Variants in ATP8B4 observed in about 807,000 individuals in gnomAD.
ATP8B4 encodes the protein probable phospholipid-transporting ATPase IM.
A neutral mutation model predicts 145.6 loss-of-function variants in ATP8B4; 133 were observed. The observed-to-expected ratio is 0.91, with a 90% CI of 0.79 to 1.05. The LOEUF is 1.05. Among genes scored for constraint, ATP8B4 ranks in the 50% least tolerant of loss-of-function variants. The pLI is 0.00. For missense variants in ATP8B4, 1,458 were observed against 1,425.2 expected (o/e 1.02, Z -0.37); for synonymous variants, 507 against 492.9 (o/e 1.03, Z -0.38).
intron 3 of ATP8B4, among the ~76,000 whole-genome samples, chr15:50,070,029 A>T (rs1011169972): frequency 6.6e-6 from 1 of 152,238 alleles, no homozygotes; most frequent in Non-Finnish European, 1.5e-5. Flanking sequence ...GGTAATAAAA[A>T]AGTAAGAAAT....
intron 23 of ATP8B4, chr15:49,896,442 A>AT (rs1342927806): frequency 1.3e-5 from 2 of 152,374 alleles, no homozygotes; most frequent in East Asian, 3.9e-4. Flanking sequence ...GAATAAAATG[A>AT]TTTTTTAAAA....
chr15:50,043,651 T>C lies in ATP8B4; in HGVS notation c.300+943A>G, dbSNP rs142656931. On this transcript the variant is annotated intron_variant, in intron 5 of 27. Coordinates refer to ENST00000284509, the MANE Select transcript of ATP8B4 (RefSeq NM_024837.4). Reference sequence around the variant, plus strand: ...AACATTTTCTTTTCTCTAGCTTACTTTATTATAAGAATACAGTGTAGGCCG... The same window carrying C: ...AACATTTTCTTTTCTCTAGCTTACTCTATTATAAGAATACAGTGTAGGCCG... Among the ~76,000 whole-genome samples the C allele has an allele frequency of 9.6e-3, 1,459 of 152,352 alleles. 21 individuals carry two copies. Among genetic ancestry groups the C allele is most frequent in the African/African-American group, 0.034 (1,401 of 41,578 alleles).
At chr15:49,927,535 C>T (rs1275208911) in intron 16 of ATP8B4, among the ~76,000 whole-genome samples, 1 of 152,106 alleles carries the variant, frequency 6.6e-6, no homozygotes, top group Admixed American at 6.6e-5. Flanking sequence ...ATCCAGCAAA[C>T]CTTCATGCAT....
chr15:49,909,140 C>G (rs540861664), intron 20 of ATP8B4, among the ~76,000 whole-genome samples: 1 of 152,096 alleles, frequency 6.6e-6, no homozygotes, highest in East Asian at 1.9e-4. Context: ...TGACCGCACT[C>G]CATACCCCCC....
intron 1 of ATP8B4, among the ~76,000 whole-genome samples, chr15:50,165,114 A>G (rs1165035199): frequency 6.6e-6 from 1 of 151,202 alleles, no homozygotes; most frequent in East Asian, 1.9e-4. Context: ...CAGCGGAACG[A>G]TCTTGGCTTA....
chr15:49,984,407 AG>A (rs2046409239), intron 10 of ATP8B4, among the ~76,000 whole-genome samples: 1 of 152,236 alleles, frequency 6.6e-6, no homozygotes, highest in Non-Finnish European at 1.5e-5. Context: ...CTTTACAAAA[AG>A]CATAGGTGGG....
intron 7 of ATP8B4, among the ~76,000 whole-genome samples, chr15:50,007,886 C>A (rs28760364): frequency 0.01 from 1,525 of 152,270 alleles, 33 homozygotes; most frequent in African/African-American, 0.035. Context: ...AACAAAATTA[C>A]CTAATCAAGA....
At chr15:49,879,250 C>A in intron 24 of ATP8B4, 126 bp downstream of exon 24, 1 of 818,248 alleles carries the variant, frequency 1.2e-6, no homozygotes. Flanking sequence ...GTGATCCATG[C>A]AAAAGCAACT....
At chr15:50,114,103 C>CTTTCTTTTTTTTTTTTTT (rs1555494034) in intron 1 of ATP8B4, among the ~76,000 whole-genome samples, 4 of 55,656 alleles carry the variant, frequency 7.2e-5, no homozygotes, top group African/African-American at 6.7e-5. Context: ...CTCCTAGTTT[C>CTTTCTTTTTTTTTTTTTT]TTTTTTTTTT....
rs2037610781 is a variant in ATP8B4 at position 49,898,060 on chromosome 15, C to T, written c.2473+8G>A. On this transcript the variant is annotated splice_region_variant and intron_variant, in intron 22 of 27. Coordinates refer to ENST00000284509, the MANE Select transcript of ATP8B4 (RefSeq NM_024837.4). The stretch of plus-strand genomic sequence containing the variant: ...GCAGCATACCCCATTGAGCAAATAT[C>T]CTCTTACTTTTAATCATGCTGACAT... The T allele has an allele frequency of 3.7e-6, 6 of 1,613,476 alleles. No homozygotes were observed. The highest frequency in any genetic ancestry group is 4.2e-6 in the Non-Finnish European group (5 of 1,179,588).
At chr15:49,960,838 A>G (rs1201723990) in intron 14 of ATP8B4, among the ~76,000 whole-genome samples, 1 of 152,358 alleles carries the variant, frequency 6.6e-6, no homozygotes, top group East Asian at 1.9e-4. Flanking sequence ...GGGTAAAAAA[A>G]TTATGAACCA....
At chr15:50,094,235 G>A (rs986014887) in intron 2 of ATP8B4, among the ~76,000 whole-genome samples, 3 of 152,060 alleles carry the variant, frequency 2.0e-5, no homozygotes, top group Non-Finnish European at 2.9e-5. Context: ...TCAGCTCAAG[G>A]CCTGAATAGA....
chr15:49,936,394 G>T (rs2041738741), intron 14 of ATP8B4, among the ~76,000 whole-genome samples: 1 of 152,106 alleles, frequency 6.6e-6, no homozygotes, highest in Non-Finnish European at 1.5e-5. Context: ...GCTTGAAAAT[G>T]TCTTTATCCT....
At chr15:49,916,081 G>T (rs2039709317) in intron 20 of ATP8B4, among the ~76,000 whole-genome samples, 1 of 151,958 alleles carries the variant, frequency 6.6e-6, no homozygotes. Context: ...TGCTTGGCCA[G>T]TGTCTAAGTG....
In ATP8B4 at chr15:49,966,706, A is replaced by G. The variant is rs576237244; in HGVS notation, c.1244-4686T>C. Among the ~76,000 whole-genome samples, 90 of 152,230 alleles carry G rather than the reference A, an allele frequency of 5.9e-4. 1 individual carries two copies. The highest frequency in any genetic ancestry group is 3.4e-3 in the Middle Eastern group (1 of 294). On this transcript the variant is annotated intron_variant, in intron 13 of 27. Transcript: ENST00000284509. ...GTGCGCGCAGCGTCAGCAGAATTATATGTTCCTGCCTGCCGGCTCTGAAGA... is the reference window on the plus strand; with the variant it reads ...GTGCGCGCAGCGTCAGCAGAATTATGTGTTCCTGCCTGCCGGCTCTGAAGA...
upstream of ATP8B4, among the ~76,000 whole-genome samples, chr15:50,119,752 C>CTTTTTT (rs572570694): frequency 6.5e-3 from 599 of 91,572 alleles, 38 homozygotes; most frequent in African/African-American, 0.024. Context: ...GTTTTTGTCA[C>CTTTTTT]TTTTTTTTTT....
chr15:49,991,036 G>A (rs540740983), intron 9 of ATP8B4, among the ~76,000 whole-genome samples: 3 of 152,066 alleles, frequency 2.0e-5, no homozygotes, highest in South Asian at 2.1e-4. Context: ...ATGGCATGTC[G>A]GCACCAGCAG....
At chr15:50,002,110 T>G (rs1312243106) in intron 8 of ATP8B4, 43 bp downstream of exon 8, 1 of 1,486,706 alleles carries the variant, frequency 6.7e-7, no homozygotes, top group Admixed American at 1.8e-5. Flanking sequence ...TACTTTTAAA[T>G]AAATTAAAAA....
At chr15:49,998,231 G>C (rs2047586607) in intron 8 of ATP8B4, among the ~76,000 whole-genome samples, 1 of 152,058 alleles carries the variant, frequency 6.6e-6, no homozygotes, top group African/African-American at 2.4e-5. Flanking sequence ...CTTTTAAAAA[G>C]TATTTTCCTT....
Sources: gnomAD v4.1 joint callset for allele counts (sites outside exome capture counted in the v4.1 genomes callset) on GRCh38, gnomAD v4.1.1 for gene constraint, MANE v1.5 for transcripts, NCBI Gene and HGNC (gene_info 2026-07-23, HGNC 2026-07-21) for gene names.